The following KRI1 variants were observed in gnomAD, a reference collection of about 807,000 sequenced individuals.
KRI1 encodes KRI1 homolog, also known as protein KRI1 homolog.
Under a neutral mutation model 97.0 loss-of-function variants are expected in KRI1, and 83 were observed. The ratio of observed to expected loss-of-function variants is 0.86; its 90% CI spans 0.72 to 1.03. The LOEUF (loss-of-function observed/expected upper bound fraction) is 1.03. Among genes scored for constraint, KRI1 ranks in the 50% least tolerant of loss-of-function variants. The pLI, the probability that KRI1 is intolerant of heterozygous loss-of-function variation, is 0.00. For missense variants in KRI1, 916 were observed against 928.4 expected, an observed-to-expected ratio of 0.99 and a Z score of 0.17; for synonymous variants, 371 against 363.5, an observed-to-expected ratio of 1.02 and a Z score of -0.23.
intron 6 of KRI1, 40 bp downstream of exon 6, chr19:10,561,627 A>G (rs1484416896): frequency 6.2e-7 from 1 of 1,607,526 alleles, no homozygotes; most frequent in Non-Finnish European, 8.5e-7. Flanking sequence ...CCGAGCCTCA[A>G]CTTTCCTCCA....
intron 2 of KRI1, chr19:10,565,254 C>T: frequency 1.7e-6 from 1 of 573,354 alleles, no homozygotes; most frequent in East Asian, 3.0e-5. Flanking sequence ...AGGTGAGGGG[C>T]AAGGAGAAGG....
Position 10,553,098 on chromosome 19 carries a change from T to C in KRI1, c.*853A>G, listed in dbSNP as rs773377369. ...GGGGATGAGGGGAAAGATACAACAC[T>C]ATTTATTTTTTTATTTATGTCATGT... On this transcript the variant is annotated 3_prime_UTR_variant, in exon 19 of 19. Transcript: ENST00000312962. The C allele has an allele frequency of 7.1e-6, 11 of 1,557,264 alleles. No individual in the cohort carries two copies. In the South Asian group the frequency reaches 1.2e-4, roughly 18 times the overall value.
chr19:10,561,396 G>C, intron 6 of KRI1, 131 bp from the exon 7 acceptor site: 1 of 895,426 alleles, frequency 1.1e-6, no homozygotes, highest in Non-Finnish European at 1.7e-6. Context: ...CTGGGCTCAA[G>C]TGATCCTCCC....
At chr19:10,555,894 A>G (rs958414749) in intron 16 of KRI1, among the ~76,000 whole-genome samples, 6 of 152,186 alleles carry the variant, frequency 3.9e-5, no homozygotes, top group African/African-American at 1.4e-4. Flanking sequence ...GCCAGGTGCC[A>G]CACACTTTGG....
chr19:10,555,383 ATAT>A (rs1488786689), intron 16 of KRI1, 34 bp from the exon 17 acceptor site: 9 of 1,611,962 alleles, frequency 5.6e-6, no homozygotes, highest in Non-Finnish European at 6.8e-6. Flanking sequence ...ACCTGCTGTG[ATAT>A]TGCCCAGGCG....
In KRI1 at chr19:10,564,921, C is replaced by A. The variant is rs1393919010; in HGVS notation, c.274+8G>T. ...GAAGGAGAGGTTTAGACAGGAGTGG[C>A]CCCGGACCTGTTCTGTTATAGAAGG... On this transcript the variant is annotated splice_region_variant and intron_variant, in intron 3 of 18. Transcript: ENST00000312962. 3.2e-6 allele frequency: 5 copies of A among 1,566,972 alleles called. No homozygotes were observed. Among genetic ancestry groups the A allele is most frequent in the South Asian group, 2.2e-5 (2 of 90,118 alleles).
rs775226285 is a variant in KRI1 at position 10,554,255 on chromosome 19, C to T, written c.1808G>A (p.Gly603Glu). 4 of 1,613,852 alleles carry T rather than the reference C, an allele frequency of 2.5e-6. No homozygotes were observed. Among genetic ancestry groups the T allele is most frequent in the Non-Finnish European group, 3.4e-6 (4 of 1,179,960 alleles). ...GCCGGCTTCATCTCTCTGTGGCTTC[C>T]CTGTGGCTTCCGCAGGTGTCTCTGC... is the stretch of plus-strand genomic sequence containing the variant. ...EEAETPAEAT[G>E]KPQRDEAGPQ... is the part of the protein sequence containing the mutation. The change falls in exon 19 of 19, where the codon GGG becomes GAG. Residue 603 changes from glycine to glutamate, a missense_variant. By Grantham distance (98) the Gly-to-Glu change is moderately conservative. Coordinates refer to ENST00000312962, the MANE Select transcript of KRI1 (RefSeq NM_023008.5).
At chr19:10,565,583 G>A (rs1397739424) in intron 2 of KRI1, 134 bp downstream of exon 2, 1 of 1,155,480 alleles carries the variant, frequency 8.7e-7, no homozygotes, top group Non-Finnish European at 1.2e-6. Context: ...TCCCTCATGG[G>A]ATGGGGAGCG....
intron 6 of KRI1, 122 bp downstream of exon 6, chr19:10,561,545 G>A (rs181579047): frequency 2.3e-4 from 235 of 1,008,136 alleles, no homozygotes; most frequent in East Asian, 1.7e-3. Context: ...TATTAACCCC[G>A]TTTAACTGAT....
intron 1 of KRI1, 23 bp from the exon 2 acceptor site, chr19:10,565,813 C>A: frequency 6.5e-7 from 1 of 1,539,590 alleles, no homozygotes; most frequent in South Asian, 1.2e-5. Context: ...GACGGGATGC[C>A]CCCCCCCAGG....
Position 10,565,748 on chromosome 19 carries a change from C to A in KRI1, c.137G>T (p.Ser46Ile). ...CTCGTCGCTTGAGTCCGACTCGGAG[C>A]TGGAGTCGCTGCTGCTGTCTCGGTC... ...YGDRDSSSDS[S>I]SESDSSDERV... is the part of the protein sequence containing the mutation. Residue 46 changes from serine (S) to isoleucine (I), a missense_variant, in exon 2 of 19, where the codon AGC becomes ATC. Transcript: ENST00000312962. 6.3e-7 allele frequency: 1 copy of A among 1,580,508 alleles called. No homozygotes were observed. The highest frequency in any genetic ancestry group is 2.3e-5 in the East Asian group (1 of 42,682).
chr19:10,558,503 C>T (rs1916590966), intron 12 of KRI1, among the ~76,000 whole-genome samples: 2 of 152,104 alleles, frequency 1.3e-5, no homozygotes, highest in African/African-American at 2.4e-5. Context: ...CCCACCTTCG[C>T]CCCTGTGGTG....
At chr19:10,555,475 C>T (rs1916478451) in intron 16 of KRI1, 126 bp from the exon 17 acceptor site, 1 of 964,582 alleles carries the variant, frequency 1.0e-6, no homozygotes. Flanking sequence ...CCATGATGGC[C>T]AGAGACAGCT....
intron 18 of KRI1, among the ~76,000 whole-genome samples, chr19:10,554,658 G>A (rs769037267): frequency 6.6e-6 from 1 of 151,982 alleles, no homozygotes; most frequent in African/African-American, 2.4e-5. Flanking sequence ...CGATCTTCTC[G>A]CTTGAGTCTC....
At position 10,561,804 on chromosome 19, in the gene KRI1, T is replaced by C; in HGVS notation, c.425A>G (p.Asn142Ser). The change falls in exon 5 of 19, where the codon AAT becomes AGT. Residue 142 changes from asparagine (N) to serine (S), a missense_variant. Coordinates refer to ENST00000312962, the MANE Select transcript of KRI1 (RefSeq NM_023008.5). ...DEENSDGETS[N>S]HRLQETSSQS... The stretch of plus-strand genomic sequence containing the variant: ...CACCCCACCCACCTGGAGTCTGTGA[T>C]TGGAAGTCTCCCCGTCTGAGTTCTC... 5 of 1,613,876 alleles carry C rather than the reference T, an allele frequency of 3.1e-6. No homozygotes were observed. Among genetic ancestry groups the C allele is most frequent in the Admixed American group, 1.7e-5 (1 of 59,980 alleles).
rs771765230 is a variant in KRI1, at chr19:10,562,781, G to A, written c.331C>T (p.Arg111Trp). The A allele has an allele frequency of 1.3e-5, 21 of 1,613,058 alleles. No homozygotes were observed. Among genetic ancestry groups the A allele is most frequent in the Middle Eastern group, 1.7e-4 (1 of 6,056 alleles). ...TCGTAGTCCTTCAGGTACATGGGCC[G>A]CACTTTCTTCTGCTTCTCCAAGGCT... ...PEALEKQKKVRPMYLKDYERK... is the reference protein window; with the variant it reads ...PEALEKQKKVWPMYLKDYERK... Residue 111 changes from arginine (R) to tryptophan (W), a missense_variant, in exon 4 of 19, where the codon CGG becomes TGG. This residue lies in a region of KRI1 where 173 missense variants were observed against 153.1 expected (regional missense o/e 1.13). Coordinates refer to ENST00000312962, the MANE Select transcript of KRI1 (RefSeq NM_023008.5).
In KRI1 at chr19:10,553,115, A is replaced by C. The variant is rs1140864; in HGVS notation, c.*836T>G. The C allele has an allele frequency of 2.6e-6, 4 of 1,525,296 alleles. No homozygotes were observed. In the Admixed American group the frequency reaches 6.0e-5, roughly 23 times the overall value. 94.5% of individuals were successfully genotyped at this position (1,525,296 alleles called of 1,614,324 possible). Reference sequence around the variant, plus strand: ...TACAACACTATTTATTTTTTTATTTATGTCATGTCGGGTGTGGGATCTTGA... The same window carrying C: ...TACAACACTATTTATTTTTTTATTTCTGTCATGTCGGGTGTGGGATCTTGA... On this transcript the variant is annotated 3_prime_UTR_variant, in exon 19 of 19. Transcript: ENST00000312962.
intron 3 of KRI1, 98 bp downstream of exon 3, chr19:10,564,831 T>G: frequency 1.2e-6 from 1 of 802,456 alleles, no homozygotes; most frequent in Admixed American, 1.8e-5. Flanking sequence ...GAAAAGAGGC[T>G]CAGAGAAGTC....
Position 10,559,688 on chromosome 19 carries a change from G to A in KRI1, c.948C>T (p.Ser316=), listed in dbSNP as rs1363744721. Residue 316 remains serine (S), a synonymous_variant, in exon 11 of 19, where the codon AGC becomes AGT. Coordinates refer to ENST00000312962, the MANE Select transcript of KRI1 (RefSeq NM_023008.5). ...DSASVKTYPR[S]IASSVRRKDE... is the part of the protein sequence containing the mutation. ...CCTTACGGCGCACGGAGGACGCGAT[G>A]CTGCGTGGGTAGGTCTTGACCTAGG... The A allele has an allele frequency of 1.9e-6, 3 of 1,614,070 alleles. No homozygotes were observed. In the Admixed American group the frequency reaches 5.0e-5, roughly 27 times the overall value.
Sources: gnomAD v4.1 joint callset for allele counts (sites outside exome capture counted in the v4.1 genomes callset) on GRCh38, gnomAD v4.1.1 for gene constraint, gnomAD v4.1.1 regional missense constraint, MANE v1.5 for transcripts, NCBI Gene and HGNC (gene_info 2026-07-23, HGNC 2026-07-21) for gene names.